Variants in FAIM2 observed in about 807,000 individuals in gnomAD.
FAIM2 encodes protein lifeguard 2.
In FAIM2, 27 loss-of-function variants were observed where a neutral mutation model predicts 47.4. That is an observed-to-expected ratio of 0.57 (90% CI 0.42 to 0.78). FAIM2 has a LOEUF of 0.78. Ranked by LOEUF, FAIM2 falls within the 30% of genes least tolerant of loss-of-function variation. FAIM2 has a pLI of 0.00. For missense variants in FAIM2, 311 were observed against 389.4 expected, an observed-to-expected ratio of 0.80 and a Z score of 1.69; for synonymous variants, 156 against 159.3, an observed-to-expected ratio of 0.98 and a Z score of 0.16.
At position 49,878,580 on chromosome 12, in the gene FAIM2, A is replaced by G. The variant is rs1052936714; in HGVS notation, c.802-7927T>C. On this transcript the variant is annotated intron_variant, in intron 11 of 11. Transcript: ENST00000320634. ...TGTGAGTGTATATGTTCATGTGTATATGTACATGTGTATGTGTATGTGTGC... is the reference window on the plus strand; with the variant it reads ...TGTGAGTGTATATGTTCATGTGTATGTGTACATGTGTATGTGTATGTGTGC... Among the ~76,000 whole-genome samples the G allele has an allele frequency of 2.1e-3, 152 of 73,954 alleles. 17 individuals are homozygous for G. The highest frequency in any genetic ancestry group is 0.014 in the African/African-American group (146 of 10,486). 48.5% of individuals were successfully genotyped at this position (73,954 alleles called of 152,430 possible).
intron 11 of FAIM2, among the ~76,000 whole-genome samples, chr12:49,886,805 C>T (rs1476620622): frequency 6.6e-6 from 1 of 152,172 alleles, no homozygotes; most frequent in Non-Finnish European, 1.5e-5. Context: ...ACAGTAGAAC[C>T]TATCTTATAG....
At position 49,871,368 on chromosome 12, in the gene FAIM2, G is replaced by A. The variant is rs542151498; in HGVS notation, c.802-715C>T. Among the ~76,000 whole-genome samples the A allele has an allele frequency of 2.6e-5, 4 of 152,288 alleles. No homozygotes were observed. In the East Asian group the frequency reaches 7.7e-4, roughly 29 times the overall value. On this transcript the variant is annotated intron_variant, in intron 11 of 11. Coordinates refer to ENST00000320634, the MANE Select transcript of FAIM2 (RefSeq NM_012306.4). ...TTAATGCCTTTCCTCCCAGGAAACA[G>A]GCTCTTCCCTGGGGCCCTGCTTGGC...
chr12:49,870,743 C>G, intron 11 of FAIM2, 90 bp from the exon 12 acceptor site: 2 of 1,315,658 alleles, frequency 1.5e-6, no homozygotes, highest in Non-Finnish European at 2.1e-6. Context: ...CTCAGCCCCA[C>G]CCCCAATTTT....
chr12:49,883,757 G>A (rs1448383489), intron 11 of FAIM2, among the ~76,000 whole-genome samples: 1 of 152,168 alleles, frequency 6.6e-6, no homozygotes. Flanking sequence ...CGCCTGGGTG[G>A]GTGGTGGCCT....
chr12:49,897,631 C>T (rs546110044), intron 3 of FAIM2, 48 bp from the exon 4 acceptor site: 6 of 1,416,514 alleles, frequency 4.2e-6, no homozygotes, highest in African/African-American at 2.8e-5. Context: ...CTGTTAGGGA[C>T]CTGTCAGCCC....
intron 11 of FAIM2, among the ~76,000 whole-genome samples, chr12:49,880,540 A>G (rs1156736757): frequency 2.5e-5 from 2 of 79,114 alleles, no homozygotes; most frequent in African/African-American, 1.3e-4. Context: ...GTGCGTGTGT[A>G]TGTATGCATG....
intron 11 of FAIM2, among the ~76,000 whole-genome samples, chr12:49,883,080 T>C (rs1369364026): frequency 2.0e-5 from 3 of 151,738 alleles, no homozygotes; most frequent in Non-Finnish European, 4.4e-5. Context: ...AGGCCCTGGG[T>C]TTGGAGAAAG....
intron 9 of FAIM2, 130 bp downstream of exon 9, chr12:49,889,351 C>T: frequency 2.0e-6 from 2 of 1,010,576 alleles, no homozygotes; most frequent in Non-Finnish European, 3.0e-6. Context: ...CAGGTGGCTT[C>T]CCCAAACCCA....
At position 49,898,014 on chromosome 12, in the gene FAIM2, C is replaced by T. The variant is rs147723801; in HGVS notation, c.288G>A (p.Gln96=). The change falls in exon 3 of 12, where the codon CAG becomes CAA. Residue 96 remains glutamine, a synonymous_variant. Transcript: ENST00000320634. ...TTCTGACAAAGACTCGACGAACTTTCTGGTCATCCCAGCTGAAAGTGGTGA... is the reference window on the plus strand; with the variant it reads ...TTCTGACAAAGACTCGACGAACTTTTTGGTCATCCCAGCTGAAAGTGGTGA... ...ELFTTFSWDD[Q]KVRRVFVRKV... 1 of 1,614,038 alleles carries T rather than the reference C, an allele frequency of 6.2e-7. No homozygotes were observed. The highest frequency in any genetic ancestry group is 8.5e-7 in the Non-Finnish European group (1 of 1,179,944).
At chr12:49,884,978 A>T (rs1425254489) in intron 11 of FAIM2, among the ~76,000 whole-genome samples, 1 of 152,158 alleles carries the variant, frequency 6.6e-6, no homozygotes, top group African/African-American at 2.4e-5. Context: ...CGTCTCAAAA[A>T]AAAAGACTCT....
chr12:49,884,045 G>C (rs1415172214), intron 11 of FAIM2, among the ~76,000 whole-genome samples: 2 of 151,940 alleles, frequency 1.3e-5, no homozygotes, highest in Non-Finnish European at 2.9e-5. Flanking sequence ...AACATGGCAA[G>C]ACCCCATCTC....
chr12:49,878,075 T>C (rs968902465), intron 11 of FAIM2, among the ~76,000 whole-genome samples: 10 of 145,030 alleles, frequency 6.9e-5, no homozygotes, highest in African/African-American at 2.6e-4. Context: ...TATGTGTGTT[T>C]ATGTGTGCAT....
intron 5 of FAIM2, among the ~76,000 whole-genome samples, chr12:49,896,621 T>C (rs1946939222): frequency 6.6e-6 from 1 of 152,244 alleles, no homozygotes; most frequent in Admixed American, 6.5e-5. Context: ...AAGCACTCTT[T>C]AAGTGGTAGC....
chr12:49,870,713 A>G, intron 11 of FAIM2, 60 bp from the exon 12 acceptor site: 2 of 1,554,504 alleles, frequency 1.3e-6, no homozygotes, highest in East Asian at 2.3e-5. Context: ...GACACTGACT[A>G]TGGCAGCCCA....
intron 11 of FAIM2, among the ~76,000 whole-genome samples, chr12:49,873,268 G>A (rs1946714979): frequency 6.6e-6 from 1 of 152,086 alleles, no homozygotes; most frequent in Non-Finnish European, 1.5e-5. Flanking sequence ...TCTACAAAGT[G>A]GGATAGTAGC....
At chr12:49,901,661 T>C (rs1387506123) in intron 1 of FAIM2, 3 of 213,374 alleles carry the variant, frequency 1.4e-5, no homozygotes, top group Non-Finnish European at 2.8e-5. Flanking sequence ...CATAGTAGAT[T>C]GTTACAAATA....
chr12:49,889,270 A>G (rs1023685116), intron 9 of FAIM2, 68 bp from the exon 10 acceptor site: 18 of 1,204,806 alleles, frequency 1.5e-5, no homozygotes, highest in Non-Finnish European at 2.2e-5. Flanking sequence ...CTACAGGCTG[A>G]GCCCATACAG....
At chr12:49,881,353 G>T (rs1946824482) in intron 11 of FAIM2, among the ~76,000 whole-genome samples, 1 of 152,202 alleles carries the variant, frequency 6.6e-6, no homozygotes, top group African/African-American at 2.4e-5. Context: ...AGGAAGTGAA[G>T]AGGTCTATTC....
At chr12:49,893,490 C>T (rs1946914849) in intron 5 of FAIM2, among the ~76,000 whole-genome samples, 1 of 152,222 alleles carries the variant, frequency 6.6e-6, no homozygotes. Context: ...CAGCCTGCAA[C>T]TTATCAGTTT....
Sources: gnomAD v4.1 joint callset for allele counts (sites outside exome capture counted in the v4.1 genomes callset) on GRCh38, gnomAD v4.1.1 for gene constraint, MANE v1.5 for transcripts, NCBI Gene and HGNC (gene_info 2026-07-23, HGNC 2026-07-21) for gene names.